PHF6: variants seen among roughly 807,000 people sequenced by gnomAD.
PHF6 encodes PHD-like zinc finger protein.
PHF6 carries 7 observed loss-of-function variants against 34.0 expected under a neutral mutation model. That is an observed-to-expected ratio of 0.21 (90% confidence interval 0.12 to 0.39). PHF6 has a LOEUF of 0.39. Ranked by LOEUF, PHF6 falls within the 10% of genes least tolerant of loss-of-function variation. The probability of loss-of-function intolerance (pLI) is 1.00; values close to 1 mark genes in which losing one functional copy is unlikely to be tolerated. For synonymous variants in PHF6, 89 were observed against 88.4 expected, an observed-to-expected ratio of 1.01 and a Z score of -0.04; for missense variants, 128 against 262.8, an observed-to-expected ratio of 0.49 and a Z score of 3.55.
At chrX:134,382,217 T>C (rs768211918) in intron 3 of PHF6, among the ~76,000 whole-genome samples, 1 of 112,152 alleles carries the variant, frequency 8.9e-6, no homozygotes, top group Non-Finnish European at 1.9e-5. Flanking sequence ...ACACGGTCTT[T>C]AATTATATAG....
chrX:134,376,396 G>T (rs1254203533), intron 1 of PHF6, among the ~76,000 whole-genome samples: 1 of 111,690 alleles, frequency 9.0e-6, no homozygotes, highest in Admixed American at 9.5e-5. Flanking sequence ...GACGTGTGTT[G>T]TGGCAACCTG....
At position 134,393,969 on chromosome X, in the gene PHF6, C is replaced by A. The variant is rs779081699; in HGVS notation, c.418+17C>A. On this transcript the variant is annotated intron_variant, in intron 5 of 10. Transcript: ENST00000370803. ...ACTCCGAAGGTACATCATTTAGCCA[C>A]GTTTCAGCCACTTTTCAGTTTCAAG... 8.3e-7 allele frequency: 1 copy of A among 1,204,473 alleles called. No individual in the cohort carries two copies. The highest frequency in any genetic ancestry group is 1.1e-6 in the Non-Finnish European group (1 of 889,235).
intron 3 of PHF6, among the ~76,000 whole-genome samples, chrX:134,379,400 GT>G (rs1014575778): frequency 2.3e-5 from 2 of 86,166 alleles, no homozygotes; most frequent in Admixed American, 1.3e-4. Context: ...AAGCTCTGGG[GT>G]TTTTTTTTCC....
At position 134,417,316 on chromosome X, in the gene PHF6, A is replaced by G. The variant is rs2077475701; in HGVS notation, c.968+14A>G. 8.3e-7 allele frequency: 1 copy of G among 1,204,869 alleles called. No individual in the cohort carries two copies. The highest frequency in any genetic ancestry group is 1.1e-6 in the Non-Finnish European group (1 of 890,432). On this transcript the variant is annotated intron_variant, in intron 9 of 10. Coordinates refer to ENST00000370803, the MANE Select transcript of PHF6 (RefSeq NM_001015877.2). ...AGGAATTTACAAGTAAGAAAACAAC[A>G]GTTGTCTATTTCCCTAAACATGTTA...
At chrX:134,391,758 CTG>C (rs1228100759) in intron 3 of PHF6, among the ~76,000 whole-genome samples, 56 of 111,373 alleles carry the variant, frequency 5.0e-4, no homozygotes, top group African/African-American at 1.8e-3. Flanking sequence ...CATTGTAACA[CTG>C]TGAGGCATCT....
intron 5 of PHF6, among the ~76,000 whole-genome samples, chrX:134,401,832 GA>G (rs1383869549): frequency 8.9e-6 from 1 of 111,843 alleles, no homozygotes; most frequent in Non-Finnish European, 1.9e-5. Context: ...CTTTATATTA[GA>G]AATTGCTTGT....
At chrX:134,422,887 T>C (rs2077496771) in intron 9 of PHF6, among the ~76,000 whole-genome samples, 2 of 111,539 alleles carry the variant, frequency 1.8e-5, no homozygotes, top group Non-Finnish European at 3.8e-5. Context: ...TAATTAAAAG[T>C]TGCTCCAACA....
At chrX:134,401,247 A>G (rs937597320) in intron 5 of PHF6, among the ~76,000 whole-genome samples, 3 of 111,095 alleles carry the variant, frequency 2.7e-5, no homozygotes, top group African/African-American at 6.5e-5. Flanking sequence ...CTCATCTTAC[A>G]TCTTCCTAGT....
At chrX:134,399,863 A>T (rs1415965296) in intron 5 of PHF6, among the ~76,000 whole-genome samples, 2 of 110,985 alleles carry the variant, frequency 1.8e-5, no homozygotes, top group Non-Finnish European at 3.8e-5. Context: ...GTATAATGAC[A>T]CGTACCTACC....
At chrX:134,397,274 C>T (rs765731171) in intron 5 of PHF6, among the ~76,000 whole-genome samples, 154 of 112,020 alleles carry the variant, frequency 1.4e-3, no homozygotes, top group Non-Finnish European at 2.4e-3. Flanking sequence ...TTAGAATGCC[C>T]GTCCCAGGAA....
chrX:134,420,628 TG>T (rs1270749619), intron 9 of PHF6, among the ~76,000 whole-genome samples: 1 of 110,773 alleles, frequency 9.0e-6, no homozygotes, highest in Non-Finnish European at 1.9e-5. Context: ...GGTCTCACTC[TG>T]TCACCCAGGC....
At position 134,426,376 on chromosome X, in the gene PHF6, C is replaced by A; in HGVS notation, c.*716C>A. 1 of 159,840 alleles carries A rather than the reference C, an allele frequency of 6.3e-6. No individual in the cohort carries two copies. The highest frequency in any genetic ancestry group is 1.2e-5 in the Non-Finnish European group (1 of 81,374). 13.2% of individuals were successfully genotyped at this position (159,840 alleles called of 1,213,427 possible). On this transcript the variant is annotated 3_prime_UTR_variant, in exon 11 of 11. Coordinates refer to ENST00000370803, the MANE Select transcript of PHF6 (RefSeq NM_001015877.2). ...AATGATTGAGTCCTTCAAGTTTAAA[C>A]TAACATTTGGCAACAGCAAATTAAA...
intron 5 of PHF6, among the ~76,000 whole-genome samples, chrX:134,402,962 C>T (rs1225215818): frequency 8.9e-6 from 1 of 111,886 alleles, no homozygotes; most frequent in African/African-American, 3.2e-5. Context: ...TGTGTTCTGG[C>T]TGCTTCCCCA....
intron 10 of PHF6, 39 bp downstream of exon 10, chrX:134,425,369 C>T: frequency 8.4e-7 from 1 of 1,188,636 alleles, no homozygotes; most frequent in Non-Finnish European, 1.1e-6. Context: ...TGTCAGGATA[C>T]AATACACACT....
At chrX:134,380,425 C>T (rs973121111) in intron 3 of PHF6, among the ~76,000 whole-genome samples, 10 of 111,338 alleles carry the variant, frequency 9.0e-5, no homozygotes, top group East Asian at 2.8e-4. Flanking sequence ...TGAGCCACCG[C>T]GCCCGGCCTT....
chrX:134,382,427 A>G (rs1359557419), intron 3 of PHF6, among the ~76,000 whole-genome samples: 2 of 111,233 alleles, frequency 1.8e-5, no homozygotes, highest in Non-Finnish European at 3.8e-5. Flanking sequence ...TTTCCAAGTA[A>G]AATTATGAGT....
intron 5 of PHF6, among the ~76,000 whole-genome samples, chrX:134,412,684 A>G (rs1270644229): frequency 8.9e-6 from 1 of 112,034 alleles, no homozygotes; most frequent in Non-Finnish European, 1.9e-5. Flanking sequence ...ATAGTAAACT[A>G]CTGATGAAAC....
intron 5 of PHF6, among the ~76,000 whole-genome samples, chrX:134,410,608 A>G (rs767172461): frequency 9.4e-6 from 1 of 106,018 alleles, no homozygotes; most frequent in Admixed American, 1.1e-4. Context: ...CAGCAGAAGC[A>G]GATATTTTTC....
At chrX:134,394,400 G>A (rs2077367867) in intron 5 of PHF6, among the ~76,000 whole-genome samples, 1 of 111,390 alleles carries the variant, frequency 9.0e-6, no homozygotes, top group Admixed American at 9.5e-5. Context: ...CCAAAGTGCT[G>A]GGATTACAGG....
Sources: allele counts gnomAD v4.1 joint callset (sites outside exome capture counted in the v4.1 genomes callset), GRCh38; gene constraint gnomAD v4.1.1; transcripts MANE v1.5; gene names NCBI Gene and HGNC (gene_info 2026-07-23, HGNC 2026-07-21).